The following SYT1 variants were observed in gnomAD, a reference collection of about 807,000 sequenced individuals.
SYT1 encodes synaptotagmin-1.
SYT1 carries 8 observed loss-of-function variants against 44.8 expected under a neutral mutation model. The observed-to-expected ratio is 0.18, with a 90% CI of 0.10 to 0.32. SYT1 has a LOEUF of 0.32. Among genes scored for constraint, SYT1 ranks in the 10% least tolerant of loss-of-function variants. The pLI is 1.00. For missense variants in SYT1, 286 were observed against 509.3 expected (o/e 0.56, Z 4.22); for synonymous variants, 154 against 188.8 (o/e 0.82, Z 1.51).
chr12:79,060,214 T>C (rs914097157), intron 3 of SYT1, among the ~76,000 whole-genome samples: 7 of 152,108 alleles, frequency 4.6e-5, no homozygotes, highest in African/African-American at 1.7e-4. Flanking sequence ...TTACTTTTTT[T>C]CAGAAAAGTT....
At chr12:79,050,130 A>G (rs937738734) in intron 3 of SYT1, among the ~76,000 whole-genome samples, 7 of 151,448 alleles carry the variant, frequency 4.6e-5, no homozygotes, top group Non-Finnish European at 8.8e-5. Context: ...TAAATAGTTG[A>G]TTAATTCTTA....
chr12:78,969,036 G>C (rs1232762028), intron 1 of SYT1, among the ~76,000 whole-genome samples: 1 of 152,132 alleles, frequency 6.6e-6, no homozygotes, highest in African/African-American at 2.4e-5. Flanking sequence ...AACATCCTTG[G>C]ATTCAACCAA....
chr12:79,313,936 G>A (rs573084159), intron 8 of SYT1, among the ~76,000 whole-genome samples: 5 of 151,764 alleles, frequency 3.3e-5, no homozygotes, highest in East Asian at 1.9e-4. Context: ...TTGGGAGGCC[G>A]AGGCGGGCGG....
chr12:79,234,122 T>C (rs942505783), intron 4 of SYT1, among the ~76,000 whole-genome samples: 11 of 152,198 alleles, frequency 7.2e-5, no homozygotes, highest in African/African-American at 2.4e-4. Context: ...TCTCCTCCAA[T>C]TGCCTACAGG....
At chr12:79,387,609 A>G (rs1278844631) in intron 9 of SYT1, among the ~76,000 whole-genome samples, 1 of 152,244 alleles carries the variant, frequency 6.6e-6, no homozygotes, top group Non-Finnish European at 1.5e-5. Context: ...TCAAATATGA[A>G]GCTATTTAAA....
chr12:79,185,171 C>A (rs1014146808), intron 3 of SYT1, among the ~76,000 whole-genome samples: 2 of 152,030 alleles, frequency 1.3e-5, no homozygotes, highest in Non-Finnish European at 2.9e-5. Context: ...TTCTAATTAC[C>A]TTTGTTCACA....
intron 4 of SYT1, among the ~76,000 whole-genome samples, chr12:79,279,153 A>T (rs1436336574): frequency 6.6e-6 from 1 of 152,096 alleles, no homozygotes; most frequent in Non-Finnish European, 1.5e-5. Flanking sequence ...TCCCTAACTC[A>T]TTCTACAAAG....
intron 8 of SYT1, among the ~76,000 whole-genome samples, chr12:79,308,764 G>T (rs1342389787): frequency 6.6e-6 from 1 of 152,126 alleles, no homozygotes; most frequent in African/African-American, 2.4e-5. Context: ...AATACCAATC[G>T]ATATGGTCCC....
intron 1 of SYT1, among the ~76,000 whole-genome samples, chr12:78,881,558 G>A (rs1204474701): frequency 6.6e-6 from 1 of 151,634 alleles, no homozygotes; most frequent in East Asian, 1.9e-4. Flanking sequence ...AGCCTTGATG[G>A]GGGAAAACTT....
At chr12:79,162,762 GT>G (rs1484716473) in intron 3 of SYT1, among the ~76,000 whole-genome samples, 2 of 152,014 alleles carry the variant, frequency 1.3e-5, no homozygotes, top group Non-Finnish European at 2.9e-5. Context: ...CAGCAATTTT[GT>G]TTTGAAATTA....
intron 3 of SYT1, among the ~76,000 whole-genome samples, chr12:79,052,777 CAG>C (rs1874611254): frequency 1.3e-5 from 2 of 152,226 alleles, no homozygotes; most frequent in South Asian, 4.1e-4. Context: ...CACTGGCCAT[CAG>C]AGAAATGCAA....
chr12:78,911,042 T>C (rs920594721), intron 1 of SYT1, among the ~76,000 whole-genome samples: 5 of 151,988 alleles, frequency 3.3e-5, no homozygotes, highest in Non-Finnish European at 7.4e-5. Flanking sequence ...GGAAGGCCAC[T>C]GAAAGGTGTT....
intron 3 of SYT1, among the ~76,000 whole-genome samples, chr12:79,072,091 C>G (rs1165749225): frequency 1.3e-5 from 2 of 152,064 alleles, no homozygotes; most frequent in African/African-American, 2.4e-5. Flanking sequence ...ATATACACAG[C>G]TGTCATTATT....
chr12:79,212,805 G>A (rs1002876929), intron 3 of SYT1, among the ~76,000 whole-genome samples: 1 of 152,162 alleles, frequency 6.6e-6, no homozygotes, highest in Non-Finnish European at 1.5e-5. Flanking sequence ...TATTAGTAGA[G>A]TAGACCAGTA....
intron 9 of SYT1, among the ~76,000 whole-genome samples, chr12:79,396,497 T>C (rs79822693): frequency 0.14 from 21,722 of 152,112 alleles, 1,963 homozygotes; most frequent in Middle Eastern, 0.35. Context: ...TAGGAAATAA[T>C]TATTTTTTGA....
chr12:78,864,373 G>C (rs1366052637), upstream of SYT1: 1 of 141,138 alleles, frequency 7.1e-6, no homozygotes, highest in African/African-American at 2.6e-5. Context: ...AAAAAAAAAA[G>C]CTTTGTATTA....
At chr12:79,338,148 C>T (rs568489588) in intron 8 of SYT1, among the ~76,000 whole-genome samples, 63 of 152,284 alleles carry the variant, frequency 4.1e-4, no homozygotes, top group African/African-American at 1.5e-3. Flanking sequence ...AGCCCTCTAC[C>T]GAGAGCAGCA....
chr12:79,101,881 A>G (rs552846139), intron 3 of SYT1, among the ~76,000 whole-genome samples: 3 of 152,144 alleles, frequency 2.0e-5, no homozygotes, highest in Non-Finnish European at 4.4e-5. Flanking sequence ...ATTCCAGCCT[A>G]GGTGACAGAG....
chr12:79,060,372 G>T (rs1875289671), intron 3 of SYT1, among the ~76,000 whole-genome samples: 1 of 151,900 alleles, frequency 6.6e-6, no homozygotes, highest in Admixed American at 6.6e-5. Flanking sequence ...CAGCTCAGTG[G>T]TATTAAGTAC....
Sources: gnomAD v4.1 joint callset for allele counts (sites outside exome capture counted in the v4.1 genomes callset) on GRCh38, gnomAD v4.1.1 for gene constraint, MANE v1.5 for transcripts, NCBI Gene and HGNC (gene_info 2026-07-23, HGNC 2026-07-21) for gene names.